Variants in IGF2R observed in about 807,000 individuals in gnomAD.
The protein encoded by IGF2R is insulin like growth factor 2 receptor.
A neutral mutation model predicts 270.6 loss-of-function variants in IGF2R; 91 were observed. That is an observed-to-expected ratio of 0.34 (90% CI 0.28 to 0.40). The LOEUF is 0.40. Among genes scored for constraint, IGF2R ranks in the 10% least tolerant of loss-of-function variants. The pLI, the probability that IGF2R is intolerant of heterozygous loss-of-function variation, is 1.00. For missense variants in IGF2R, 2,805 were observed against 3,188.3 expected, an observed-to-expected ratio of 0.88 and a Z score of 2.90; for synonymous variants, 1,316 against 1,258.9, an observed-to-expected ratio of 1.05 and a Z score of -0.96.
chr6:160,088,823 C>T (rs898155231), intron 42 of IGF2R, among the ~76,000 whole-genome samples: 1 of 152,202 alleles, frequency 6.6e-6, no homozygotes, highest in African/African-American at 2.4e-5. Context: ...TGTCACATTA[C>T]TGATGTGTGC....
intron 1 of IGF2R, among the ~76,000 whole-genome samples, chr6:159,980,202 A>AGAAG (rs1783764858): frequency 2.8e-5 from 2 of 72,144 alleles, no homozygotes; most frequent in African/African-American, 1.1e-4. Flanking sequence ...AAAGAAAGAA[A>AGAAG]GAAAGAAAGA....
At chr6:160,096,255 G>A in intron 44 of IGF2R, 184 bp from the exon 45 acceptor site, 1 of 531,028 alleles carries the variant, frequency 1.9e-6, no homozygotes, top group East Asian at 3.1e-5. Flanking sequence ...ACTAAGGGCA[G>A]GGCTCTATCC....
At chr6:160,014,732 C>T (rs1475960073) in intron 4 of IGF2R, among the ~76,000 whole-genome samples, 3 of 152,202 alleles carry the variant, frequency 2.0e-5, no homozygotes, top group East Asian at 3.9e-4. Flanking sequence ...TTAATGTTTT[C>T]ATATGATCTT....
At chr6:160,003,699 A>C (rs1784166037) in intron 2 of IGF2R, 1 of 152,252 alleles carries the variant, frequency 6.6e-6, no homozygotes, top group Non-Finnish European at 1.5e-5. Context: ...ACTGGAATTG[A>C]ATCAGTCACT....
intron 45 of IGF2R, 109 bp downstream of exon 45, chr6:160,096,734 C>T (rs1779368924): frequency 8.7e-6 from 8 of 924,212 alleles, no homozygotes; most frequent in Non-Finnish European, 1.3e-5. Context: ...TCAGAACATG[C>T]ACCAAAAAAT....
intron 1 of IGF2R, among the ~76,000 whole-genome samples, chr6:159,970,387 A>G (rs1783592059): frequency 6.6e-6 from 1 of 152,166 alleles, no homozygotes; most frequent in South Asian, 2.1e-4. Context: ...GTTACTTTTC[A>G]GAGTGAAACA....
rs377198966 is a variant in IGF2R at position 160,056,530 on chromosome 6, G to A, written c.2796+5G>A. On this transcript the variant is annotated splice_donor_5th_base_variant and intron_variant, in intron 20 of 47. Transcript: ENST00000356956. Reference sequence around the variant, plus strand: ...ACAACGACGGATACAGACCAGGTACGTGTGCTTTCACCTGGCCCTCGTGCT... The same window carrying A: ...ACAACGACGGATACAGACCAGGTACATGTGCTTTCACCTGGCCCTCGTGCT... 3.0e-5 allele frequency: 48 copies of A among 1,594,908 alleles called. 1 individual carries two copies. The highest frequency in any genetic ancestry group is 3.7e-5 in the Non-Finnish European group (43 of 1,162,688).
At chr6:159,984,566 G>C (rs763472802) in intron 1 of IGF2R, among the ~76,000 whole-genome samples, 1 of 152,302 alleles carries the variant, frequency 6.6e-6, no homozygotes, top group Admixed American at 6.5e-5. Flanking sequence ...ACATGTTACA[G>C]TTGCCTGGGG....
intron 2 of IGF2R, chr6:160,006,640 T>C (rs1784243362): frequency 6.6e-6 from 1 of 152,246 alleles, no homozygotes; most frequent in African/African-American, 2.4e-5. Context: ...CCTGGTGCTG[T>C]GGGGGCGCGC....
At chr6:159,992,853 A>G (rs552568269) in intron 2 of IGF2R, among the ~76,000 whole-genome samples, 2 of 152,212 alleles carry the variant, frequency 1.3e-5, no homozygotes, top group East Asian at 3.9e-4. Context: ...TCCATAGAGG[A>G]CATCCTAATT....
At chr6:160,052,735 A>C (rs992966650) in intron 19 of IGF2R, among the ~76,000 whole-genome samples, 8 of 152,252 alleles carry the variant, frequency 5.3e-5, no homozygotes, top group Non-Finnish European at 8.8e-5. Flanking sequence ...CAAAACAGAT[A>C]TATAGACCAA....
rs1202548586 is a variant in IGF2R, at chr6:160,105,403, G to A, written c.*319G>A. The A allele has an allele frequency of 3.9e-6, 1 of 253,368 alleles. No homozygotes were observed. Among genetic ancestry groups the A allele is most frequent in the Non-Finnish European group, 7.5e-6 (1 of 132,626 alleles). The allele number at this position is 253,368 out of a possible 1,614,324, so 15.7% of individuals were successfully genotyped here. Reference sequence around the variant, plus strand: ...GAGGGCTGCATTCGAAGAAACCCTTGCTGCTTTAGTCCCGATAGGGTATTT... The same window carrying A: ...GAGGGCTGCATTCGAAGAAACCCTTACTGCTTTAGTCCCGATAGGGTATTT... On this transcript the variant is annotated 3_prime_UTR_variant, in exon 48 of 48. Transcript: ENST00000356956.
chr6:160,085,942 A>G (rs1439311041), intron 41 of IGF2R, among the ~76,000 whole-genome samples: 1 of 152,232 alleles, frequency 6.6e-6, no homozygotes, highest in African/African-American at 2.4e-5. Flanking sequence ...TTTAGAGGTC[A>G]GTTATTGCTG....
intron 7 of IGF2R, among the ~76,000 whole-genome samples, chr6:160,030,632 A>G (rs1221873388): frequency 6.7e-6 from 1 of 148,776 alleles, no homozygotes; most frequent in Non-Finnish European, 1.5e-5. Flanking sequence ...GCCCAGTGAG[A>G]TGTTCTCAGG....
intron 1 of IGF2R, among the ~76,000 whole-genome samples, chr6:159,983,080 C>T (rs1783830344): frequency 6.6e-6 from 1 of 152,068 alleles, no homozygotes; most frequent in African/African-American, 2.4e-5. Context: ...TTTTATTTTT[C>T]ATTTTTGGAC....
intron 37 of IGF2R, among the ~76,000 whole-genome samples, chr6:160,078,880 C>A (rs1052813455): frequency 1.3e-5 from 2 of 152,140 alleles, no homozygotes; most frequent in Non-Finnish European, 2.9e-5. Context: ...AGAGCCCTGG[C>A]GTGTGCTGAT....
intron 1 of IGF2R, 128 bp downstream of exon 1, chr6:159,969,523 C>A: frequency 1.4e-6 from 1 of 740,426 alleles, no homozygotes; most frequent in Non-Finnish European, 1.8e-6. Flanking sequence ...CGGGGTCCGC[C>A]CCGTTCCCGA....
intron 37 of IGF2R, 145 bp from the exon 38 acceptor site, chr6:160,079,435 G>A (rs949463324): frequency 9.9e-6 from 5 of 505,624 alleles, no homozygotes; most frequent in East Asian, 7.0e-5. Context: ...GGGCCAAGGC[G>A]ATTGCGTGGC....
chr6:160,044,637 T>C lies in IGF2R; in HGVS notation c.1745T>C (p.Ile582Thr), dbSNP rs745855300. ...CATGGCAAGAAAATTAAAACTAATATCACACTTGTATGCAAGCCAGGTAAA... is the reference window on the plus strand; with the variant it reads ...CATGGCAAGAAAATTAAAACTAATACCACACTTGTATGCAAGCCAGGTAAA... The part of the protein sequence containing the change: ...CGHGKKIKTN[I>T]TLVCKPGDLE... Residue 582 changes from isoleucine to threonine, a missense_variant, in exon 13 of 48, where the codon ATC becomes ACC. Ile to Thr is a moderately conservative substitution (Grantham distance 89, BLOSUM62 -1). Coordinates refer to ENST00000356956, the MANE Select transcript of IGF2R (RefSeq NM_000876.4). 1 of 1,607,906 alleles carries C rather than the reference T, an allele frequency of 6.2e-7. No homozygotes were observed. Among genetic ancestry groups the C allele is most frequent in the Non-Finnish European group, 8.5e-7 (1 of 1,178,288 alleles).
Sources: allele counts gnomAD v4.1 joint callset (sites outside exome capture counted in the v4.1 genomes callset), GRCh38; gene constraint gnomAD v4.1.1; transcripts MANE v1.5; gene names NCBI Gene and HGNC (gene_info 2026-07-23, HGNC 2026-07-21).